Variants in COL6A2 observed in about 807,000 individuals in gnomAD.
COL6A2 encodes collagen alpha-2(VI) chain.
Under a neutral mutation model 124.9 loss-of-function variants are expected in COL6A2, and 90 were observed. That is an observed-to-expected ratio of 0.72 (90% CI 0.61 to 0.86). The LOEUF (loss-of-function observed/expected upper bound fraction) is 0.86. COL6A2 is among the 40% of genes least tolerant of loss of function. The pLI is 0.00. For synonymous variants in COL6A2, 793 were observed against 618.2 expected (o/e 1.28, Z -4.19); for missense variants, 1,607 against 1,502.5 (o/e 1.07, Z -1.15).
chr21:46,120,789 A>C (rs541389171), intron 16 of COL6A2, among the ~76,000 whole-genome samples: 1 of 151,320 alleles, frequency 6.6e-6, no homozygotes, highest in Non-Finnish European at 1.5e-5. Flanking sequence ...GACCAAGGCA[A>C]GGGCTGCACC....
At position 46,116,095 on chromosome 21, in the gene COL6A2, C is replaced by T; in HGVS notation, c.900+42C>T. On this transcript the variant is annotated intron_variant, in intron 7 of 27. Transcript: ENST00000300527. This position sits in a 1 kb window ranked among gnomAD's most constrained non-coding sequence, Gnocchi z 4.6. Reference sequence around the variant, plus strand: ...AGGGGCTTGGCTCCACCCTGAGGCCCCAGCACTGCCAGGCAGGCTCCCCCC... The same window carrying T: ...AGGGGCTTGGCTCCACCCTGAGGCCTCAGCACTGCCAGGCAGGCTCCCCCC... The T allele has an allele frequency of 1.3e-6, 2 of 1,545,706 alleles. No individual in the cohort carries two copies. Among genetic ancestry groups the T allele is most frequent in the Non-Finnish European group, 1.8e-6 (2 of 1,142,102 alleles).
At chr21:46,130,312 G>A (rs2078744489) in intron 27 of COL6A2, among the ~76,000 whole-genome samples, 1 of 152,244 alleles carries the variant, frequency 6.6e-6, no homozygotes, top group Non-Finnish European at 1.5e-5. Flanking sequence ...AGAGGACTGA[G>A]CAGAGAATCC....
chr21:46,116,487 TGC>T lies in COL6A2; in HGVS notation c.927+85_927+86del, dbSNP rs2078472231. The T allele has an allele frequency of 1.9e-6, 3 of 1,590,066 alleles. No homozygotes were observed. Among genetic ancestry groups the T allele is most frequent in the Admixed American group, 1.7e-5 (1 of 59,622 alleles). ...CTTGGCGTCCGCCGCAGCCTGTCAC[TGC>T]TCCTGGGGCACCGGCCTGGTCTTTT... On this transcript the variant is annotated intron_variant, in intron 8 of 27. Coordinates refer to ENST00000300527, the MANE Select transcript of COL6A2 (RefSeq NM_001849.4). This position sits in a 1 kb window ranked among gnomAD's most constrained non-coding sequence, Gnocchi z 4.6.
intron 27 of COL6A2, among the ~76,000 whole-genome samples, chr21:46,128,678 C>G (rs2078712189): frequency 6.6e-6 from 1 of 152,242 alleles, no homozygotes; most frequent in African/African-American, 2.4e-5. Flanking sequence ...ACAGCGTAAC[C>G]TGAGCTCCAG....
chr21:46,098,708 C>G (rs1244113169), intron 1 of COL6A2: 1 of 152,030 alleles, frequency 6.6e-6, no homozygotes. Context: ...GGGGAGGGGA[C>G]GCGGGTGGCC....
chr21:46,107,310 C>T (rs1011038945), intron 1 of COL6A2, among the ~76,000 whole-genome samples: 5 of 152,146 alleles, frequency 3.3e-5, no homozygotes. Context: ...TCATGCCCTA[C>T]AAACCATAAA....
intron 1 of COL6A2, among the ~76,000 whole-genome samples, chr21:46,101,220 T>C (rs768864521): frequency 5.9e-5 from 9 of 152,222 alleles, no homozygotes; most frequent in Non-Finnish European, 1.3e-4. Context: ...GGGAGAAATA[T>C]CTGTTTAAGT....
chr21:46,125,463 A>C lies in COL6A2; in HGVS notation c.1817-2A>C, dbSNP rs111697581. 6.4e-7 allele frequency: 1 copy of C among 1,574,254 alleles called. No individual in the cohort carries two copies. The highest frequency in any genetic ancestry group is 8.7e-7 in the Non-Finnish European group (1 of 1,145,548). On this transcript the variant is annotated splice_acceptor_variant, in intron 24 of 27. Coordinates refer to ENST00000300527, the MANE Select transcript of COL6A2 (RefSeq NM_001849.4). LOFTEE classifies it high-confidence loss of function. Reference sequence around the variant, plus strand: ...CCCCCGATGACCCTGCCACCCCCCCAGACTGTGAGAAGCGCTGTGGCGCCC... The same window carrying C: ...CCCCCGATGACCCTGCCACCCCCCCCGACTGTGAGAAGCGCTGTGGCGCCC...
intron 20 of COL6A2, 125 bp from the exon 21 acceptor site, chr21:46,122,750 C>T (rs2078586500): frequency 9.1e-7 from 1 of 1,097,706 alleles, no homozygotes; most frequent in Non-Finnish European, 1.4e-6. Flanking sequence ...GCAAAAAAAC[C>T]ACATAGATGC....
chr21:46,123,481 G>C (rs1274639206), intron 21 of COL6A2, among the ~76,000 whole-genome samples: 1 of 152,138 alleles, frequency 6.6e-6, no homozygotes, highest in Non-Finnish European at 1.5e-5. Context: ...CTGGAACTGA[G>C]CACAAAACAA....
At chr21:46,124,163 GTGGGTGGACAGAGGA>G (rs1227807707) in intron 21 of COL6A2, among the ~76,000 whole-genome samples, 1 of 150,190 alleles carries the variant, frequency 6.7e-6, no homozygotes, top group African/African-American at 2.4e-5. Flanking sequence ...AGATAGATGG[GTGGGTGGACAGAGGA>G]TGGGTGGATG....
intron 20 of COL6A2, 36 bp downstream of exon 20, chr21:46,122,567 G>T: frequency 6.2e-7 from 1 of 1,611,022 alleles, no homozygotes; most frequent in Non-Finnish European, 8.5e-7. Context: ...GCCCACCCAG[G>T]GTGGGGGTCT....
At position 46,132,471 on chromosome 21, in the gene COL6A2, C is replaced by T. The variant is rs6652; in HGVS notation, c.2979C>T (p.Arg993=). Residue 993 remains arginine (R), a synonymous_variant, in exon 28 of 28, where the codon CGC becomes CGT. Coordinates refer to ENST00000300527, the MANE Select transcript of COL6A2 (RefSeq NM_001849.4). The part of the protein sequence containing the change: ...DVLTTLSLGD[R]AAVFHEKDYD... ...TCACCACGCTCAGCCTGGGTGACCG[C>T]GCCGCCGTGTTCCACGAGAAGGACT... 0.17 allele frequency: 279,394 copies of T among 1,605,962 alleles called. 26,910 individuals are homozygous for T. Among genetic ancestry groups the T allele is most frequent in the Non-Finnish European group, 0.2 (236,774 of 1,177,122 alleles).
chr21:46,132,256 G>T lies in COL6A2; in HGVS notation c.2764G>T (p.Val922Leu), dbSNP rs1382284283. The T allele has an allele frequency of 1.2e-6, 2 of 1,605,890 alleles. No individual in the cohort carries two copies. The highest frequency in any genetic ancestry group is 1.7e-6 in the Non-Finnish European group (2 of 1,178,184). Residue 922 changes from valine (V) to leucine (L), a missense_variant, in exon 28 of 28, where the codon GTG becomes TTG. By Grantham distance (32) the Val-to-Leu change is conservative. Transcript: ENST00000300527. The stretch of plus-strand genomic sequence containing the variant: ...CTTCTCGCACGTGGGCGCAGGCGTG[G>T]TGCACGCCATCAATGCCATCGTGCG... ...NSFSHVGAGV[V>L]HAINAIVRSP...
chr21:46,100,239 G>C (rs928387515), intron 1 of COL6A2, among the ~76,000 whole-genome samples: 3 of 152,132 alleles, frequency 2.0e-5, no homozygotes, highest in Admixed American at 6.5e-5. Context: ...GGGACTACAG[G>C]CATGCACCAC....
At position 46,118,569 on chromosome 21, in the gene COL6A2, T is replaced by G. The variant is rs904542001; in HGVS notation, c.1117-45T>G. On this transcript the variant is annotated intron_variant, in intron 12 of 27. Transcript: ENST00000300527. ...CCGCAGCGGGCATCCTGCACCCCCC[T>G]TCCCCTGCCAAAAGACGTGAGGCTG... The G allele has an allele frequency of 2.5e-6, 4 of 1,602,834 alleles. No individual in the cohort carries two copies. In the South Asian group the frequency reaches 4.5e-5, roughly 18 times the overall value.
chr21:46,121,123 GGTCAGT>G lies in COL6A2; in HGVS notation c.1458+8_1458+13del, dbSNP rs752743180. On this transcript the variant is annotated splice_donor_variant and splice_donor_5th_base_variant and intron_variant, in intron 17 of 27. Coordinates refer to ENST00000300527, the MANE Select transcript of COL6A2 (RefSeq NM_001849.4). LOFTEE classifies it high-confidence loss of function. ...GAGCTCTTGGGGAGCCCGGAAAGCA[GGTCAGT>G]GTCAGTGCAGGAGGCCGGTGCCCTC... 6.2e-7 allele frequency: 1 copy of G among 1,612,748 alleles called. No homozygotes were observed.
chr21:46,112,955 T>C, intron 4 of COL6A2, 131 bp downstream of exon 4: 1 of 1,205,882 alleles, frequency 8.3e-7, no homozygotes, highest in East Asian at 2.5e-5. Flanking sequence ...CTGCTCCATG[T>C]TGGACCTGAG....
intron 13 of COL6A2, 65 bp from the exon 14 acceptor site, chr21:46,118,965 C>A: frequency 1.5e-6 from 2 of 1,291,208 alleles, no homozygotes; most frequent in Non-Finnish European, 1.1e-6. Context: ...CCACACACCG[C>A]ACAGGCGTGA....
Sources: allele counts gnomAD v4.1 joint callset (sites outside exome capture counted in the v4.1 genomes callset), GRCh38; gene constraint gnomAD v4.1.1; non-coding constraint Gnocchi (gnomAD v3.1); transcripts MANE v1.5; gene names NCBI Gene and HGNC (gene_info 2026-07-23, HGNC 2026-07-21).